The following KANSL1L variants were observed in gnomAD, a reference collection of about 807,000 sequenced individuals.
The protein encoded by KANSL1L is KAT8 regulatory NSL complex subunit 1 like.
KANSL1L carries 25 observed loss-of-function variants against 108.6 expected under a neutral mutation model. That is an observed-to-expected ratio of 0.23 (90% CI 0.17 to 0.32). KANSL1L has a LOEUF of 0.32. Ranked by LOEUF, KANSL1L falls within the 10% of genes least tolerant of loss-of-function variation. The pLI, the probability that KANSL1L is intolerant of heterozygous loss-of-function variation, is 1.00. For synonymous variants in KANSL1L, 405 were observed against 395.1 expected (o/e 1.03, Z -0.30); for missense variants, 1,137 against 1,125.7 (o/e 1.01, Z -0.14).
intron 2 of KANSL1L, among the ~76,000 whole-genome samples, chr2:210,133,529 G>A (rs538317191): frequency 3.6e-4 from 54 of 151,710 alleles, no homozygotes; most frequent in Non-Finnish European, 6.0e-4. Context: ...TCTCTCCATT[G>A]TTTTCATGTT....
At chr2:210,143,085 A>G (rs2095241567) in intron 2 of KANSL1L, among the ~76,000 whole-genome samples, 1 of 152,048 alleles carries the variant, frequency 6.6e-6, no homozygotes, top group Non-Finnish European at 1.5e-5. Context: ...TTTTTCCTTC[A>G]CATCTATTAA....
intron 2 of KANSL1L, among the ~76,000 whole-genome samples, chr2:210,136,078 G>T (rs2095171195): frequency 6.6e-6 from 1 of 152,150 alleles, no homozygotes; most frequent in African/African-American, 2.4e-5. Context: ...GATGTCCAAG[G>T]ACTATCTGAG....
chr2:210,078,108 C>T (rs1420108633), intron 5 of KANSL1L, among the ~76,000 whole-genome samples: 2 of 152,166 alleles, frequency 1.3e-5, no homozygotes, highest in Non-Finnish European at 2.9e-5. Flanking sequence ...ACCTGTAAAA[C>T]ATGTTACCAT....
intron 4 of KANSL1L, 103 bp from the exon 5 acceptor site, chr2:210,098,310 G>A: frequency 9.9e-7 from 1 of 1,006,438 alleles, no homozygotes. Flanking sequence ...TGACACACAT[G>A]TTTTTATTTT....
intron 6 of KANSL1L, among the ~76,000 whole-genome samples, chr2:210,049,855 GAC>G (rs2094270300): frequency 6.6e-6 from 1 of 152,184 alleles, no homozygotes; most frequent in African/African-American, 2.4e-5. Context: ...ACAGCTATAG[GAC>G]TGATGTCAAA....
chr2:210,094,772 T>A (rs1168904194), intron 5 of KANSL1L, among the ~76,000 whole-genome samples: 1 of 151,954 alleles, frequency 6.6e-6, no homozygotes, highest in African/African-American at 2.4e-5. Context: ...CTTAACTAGT[T>A]TTATAAGCAT....
chr2:210,088,180 C>G (rs976638386), intron 5 of KANSL1L: 3 of 152,018 alleles, frequency 2.0e-5, no homozygotes, highest in Non-Finnish European at 4.4e-5. Context: ...GGTGGTGAAC[C>G]TGAGTTATCA....
chr2:210,025,221 A>C lies in KANSL1L; in HGVS notation c.2452-5T>G. 1.4e-6 allele frequency: 2 copies of C among 1,464,872 alleles called. No individual in the cohort carries two copies. Among genetic ancestry groups the C allele is most frequent in the Non-Finnish European group, 1.9e-6 (2 of 1,044,226 alleles). 90.7% of individuals were successfully genotyped at this position (1,464,872 alleles called of 1,614,324 possible). On this transcript the variant is annotated splice_region_variant and splice_polypyrimidine_tract_variant and intron_variant, in intron 12 of 14. Coordinates refer to ENST00000281772, the MANE Select transcript of KANSL1L (RefSeq NM_152519.4). The stretch of plus-strand genomic sequence containing the variant: ...TTCATCAGAAAGATCTTCTATCTGG[A>C]ATTAGAAATAAAGATTTTTGTTTTA...
chr2:210,078,682 A>T (rs910106091), intron 5 of KANSL1L, among the ~76,000 whole-genome samples: 4 of 152,220 alleles, frequency 2.6e-5, no homozygotes, highest in Non-Finnish European at 4.4e-5. Context: ...ATTAACAATA[A>T]TGAGACGGCC....
intron 3 of KANSL1L, among the ~76,000 whole-genome samples, chr2:210,111,239 AATTTCCAT>A (rs1274728837): frequency 2.0e-5 from 3 of 152,130 alleles, no homozygotes; most frequent in Non-Finnish European, 2.9e-5. Context: ...AAACAACCTA[AATTTCCAT>A]GACCTAGGAA....
chr2:210,078,056 C>T (rs145298192), intron 5 of KANSL1L, among the ~76,000 whole-genome samples: 53 of 152,316 alleles, frequency 3.5e-4, no homozygotes, highest in African/African-American at 1.1e-3. Flanking sequence ...GCCTATTACA[C>T]ACCTAGGCTA....
At chr2:210,114,781 G>A (rs1377634804) in intron 3 of KANSL1L, among the ~76,000 whole-genome samples, 3 of 151,878 alleles carry the variant, frequency 2.0e-5, no homozygotes, top group Non-Finnish European at 4.4e-5. Flanking sequence ...ATAATTTTGT[G>A]ACATCAACAA....
Position 210,025,206 on chromosome 2 carries a change from A to G in KANSL1L, c.2462T>C (p.Leu821Pro), listed in dbSNP as rs759101264. 7 of 1,559,296 alleles carry G rather than the reference A, an allele frequency of 4.5e-6. No homozygotes were observed. Among genetic ancestry groups the G allele is most frequent in the African/African-American group, 2.7e-5 (2 of 73,966 alleles). Residue 821 changes from leucine to proline, a missense_variant, in exon 13 of 15, where the codon CTT becomes CCT. Leu to Pro is a moderately conservative substitution (Grantham distance 98, BLOSUM62 -3). This residue lies in a region of KANSL1L where 575 missense variants were observed against 567.1 expected (regional missense o/e 1.01). Coordinates refer to ENST00000281772, the MANE Select transcript of KANSL1L (RefSeq NM_152519.4). The stretch of plus-strand genomic sequence containing the variant: ...CCTTAGGGAGAAGACTTCATCAGAA[A>G]GATCTTCTATCTGGAATTAGAAATA... ...YNLGKEEIED[L>P]SDEVFSLRHK...
chr2:210,056,549 C>T (rs2094353103), intron 6 of KANSL1L, among the ~76,000 whole-genome samples: 1 of 152,072 alleles, frequency 6.6e-6, no homozygotes, highest in Non-Finnish European at 1.5e-5. Context: ...GGTATGATCT[C>T]GGTTCACTGC....
chr2:210,170,937 A>G (rs900972907), intron 1 of KANSL1L, among the ~76,000 whole-genome samples: 5 of 151,696 alleles, frequency 3.3e-5, no homozygotes, highest in African/African-American at 1.2e-4. Context: ...AGCCGTTTAA[A>G]TTTGGCTGCG....
chr2:210,084,241 G>A (rs913402368), intron 5 of KANSL1L, among the ~76,000 whole-genome samples: 2 of 152,118 alleles, frequency 1.3e-5, no homozygotes, highest in South Asian at 4.1e-4. Flanking sequence ...GGCCAGCATG[G>A]TGAAACCCCG....
chr2:210,114,758 T>A (rs2094938709), intron 3 of KANSL1L, among the ~76,000 whole-genome samples: 1 of 152,008 alleles, frequency 6.6e-6, no homozygotes, highest in South Asian at 2.1e-4. Context: ...TTGGGACACA[T>A]TAGTATAAGG....
intron 4 of KANSL1L, among the ~76,000 whole-genome samples, chr2:210,100,774 A>T (rs965886472): frequency 2.6e-4 from 40 of 152,128 alleles, no homozygotes; most frequent in African/African-American, 8.9e-4. Context: ...AGTAGCTAGG[A>T]CTACAGGTGT....
chr2:210,150,352 A>G (rs775957421), intron 2 of KANSL1L, among the ~76,000 whole-genome samples: 1 of 152,190 alleles, frequency 6.6e-6, no homozygotes, highest in Non-Finnish European at 1.5e-5. Flanking sequence ...TTTTTTTTCT[A>G]TCATTTGAAT....
Sources: allele counts gnomAD v4.1 joint callset (sites outside exome capture counted in the v4.1 genomes callset), GRCh38; gene constraint gnomAD v4.1.1; regional missense constraint gnomAD v4.1.1; transcripts MANE v1.5; gene names NCBI Gene and HGNC (gene_info 2026-07-23, HGNC 2026-07-21).